YTHDC2: variants seen among roughly 807,000 people sequenced by gnomAD.
YTHDC2 encodes 3'-5' RNA helicase YTHDC2.
YTHDC2 carries 45 observed loss-of-function variants against 174.9 expected under a neutral mutation model. That is an observed-to-expected ratio of 0.26 (90% CI 0.20 to 0.33). The LOEUF (loss-of-function observed/expected upper bound fraction) is 0.33. YTHDC2 is among the 10% of genes least tolerant of loss of function. The probability of loss-of-function intolerance (pLI) is 1.00; values close to 1 mark genes in which losing one functional copy is unlikely to be tolerated. For synonymous variants in YTHDC2, 657 were observed against 574.5 expected (o/e 1.14, Z -2.05); for missense variants, 1,650 against 1,723.7 (o/e 0.96, Z 0.76).
chr5:113,576,719 C>G (rs1778074603), intron 23 of YTHDC2, among the ~76,000 whole-genome samples: 1 of 151,502 alleles, frequency 6.6e-6, no homozygotes, highest in African/African-American at 2.4e-5. Flanking sequence ...CATCTTCTGC[C>G]CATTTATTTG....
At chr5:113,547,747 C>A (rs1775986435) in intron 10 of YTHDC2, among the ~76,000 whole-genome samples, 1 of 152,056 alleles carries the variant, frequency 6.6e-6, no homozygotes, top group African/African-American at 2.4e-5. Context: ...ATAATGGATA[C>A]CATGTTTCAG....
chr5:113,577,100 G>T (rs964341437), intron 23 of YTHDC2, among the ~76,000 whole-genome samples: 1 of 151,964 alleles, frequency 6.6e-6, no homozygotes, highest in Non-Finnish European at 1.5e-5. Context: ...CCTTTAGAAA[G>T]CTTGCATGAT....
At chr5:113,575,190 A>AT (rs542266882) in intron 23 of YTHDC2, among the ~76,000 whole-genome samples, 446 of 152,278 alleles carry the variant, frequency 2.9e-3, no homozygotes, top group Non-Finnish European at 3.6e-3. Flanking sequence ...ATCTTGATTG[A>AT]TCCCCTGGCA....
At position 113,563,852 on chromosome 5, in the gene YTHDC2, T is replaced by G. The variant is rs1437734748; in HGVS notation, c.2443-7T>G. On this transcript the variant is annotated splice_polypyrimidine_tract_variant and splice_region_variant and intron_variant, in intron 19 of 29. Coordinates refer to ENST00000161863, the MANE Select transcript of YTHDC2 (RefSeq NM_022828.5). ...CATCAAAGTCTGTTCTGTCTCCTTT[T>G]ACTTAGACAATAGATGCAATGGATA... 5.6e-6 allele frequency: 9 copies of G among 1,613,968 alleles called. No homozygotes were observed. The highest frequency in any genetic ancestry group is 1.3e-5 in the African/African-American group (1 of 74,956).
Position 113,584,354 on chromosome 5 carries a change from G to A in YTHDC2, c.3700G>A (p.Asp1234Asn), listed in dbSNP as rs1419873053. ...PALHPPQKYK[D>N]RGILHPKRGT... Reference sequence around the variant, plus strand: ...ATTACACCCACCTCAGAAGTACAAAGATAGAGGAATTTTACATCCTAAACG... The same window carrying A: ...ATTACACCCACCTCAGAAGTACAAAAATAGAGGAATTTTACATCCTAAACG... Residue 1234 changes from aspartate to asparagine, a missense_variant, in exon 26 of 30, where the codon GAT becomes AAT. Transcript: ENST00000161863. 2 of 1,613,796 alleles carry A rather than the reference G, an allele frequency of 1.2e-6. No homozygotes were observed. The highest frequency in any genetic ancestry group is 1.7e-5 in the Admixed American group (1 of 60,018).
chr5:113,568,419 CAT>C (rs1777496747), intron 23 of YTHDC2, among the ~76,000 whole-genome samples: 2 of 152,040 alleles, frequency 1.3e-5, no homozygotes, highest in Admixed American at 6.6e-5. Flanking sequence ...AGTTTTGTTG[CAT>C]AGGTAAAGGT....
chr5:113,586,581 T>C (rs1778691938), intron 26 of YTHDC2, among the ~76,000 whole-genome samples: 1 of 151,766 alleles, frequency 6.6e-6, no homozygotes, highest in African/African-American at 2.4e-5. Context: ...AAATTTTGTG[T>C]ACCAAACCCA....
intron 3 of YTHDC2, 131 bp downstream of exon 3, chr5:113,525,308 T>G (rs905453229): frequency 9.4e-6 from 8 of 851,760 alleles, no homozygotes; most frequent in African/African-American, 1.8e-5. Context: ...TAGAAATGAT[T>G]AAGAGTTGTA....
Position 113,592,240 on chromosome 5 carries a change from G to A in YTHDC2, c.4212+62G>A, listed in dbSNP as rs1423499341. On this transcript the variant is annotated intron_variant, in intron 28 of 29. Transcript: ENST00000161863. Reference sequence around the variant, plus strand: ...TTCTGTTTGTTTTCTGTTATCCAGTGCTTTAATTGAGGAGAAAATGTAAGA... The same window carrying A: ...TTCTGTTTGTTTTCTGTTATCCAGTACTTTAATTGAGGAGAAAATGTAAGA... 2.1e-6 allele frequency: 3 copies of A among 1,446,034 alleles called. No individual in the cohort carries two copies. The South Asian group carries it at 4.3e-5, about 21-fold the overall frequency. The allele number at this position is 1,446,034 out of a possible 1,614,324, so 89.6% of individuals were successfully genotyped here.
intron 4 of YTHDC2, among the ~76,000 whole-genome samples, chr5:113,530,471 C>T (rs1774578615): frequency 6.6e-6 from 1 of 152,140 alleles, no homozygotes; most frequent in Admixed American, 6.5e-5. Flanking sequence ...TATACATTCA[C>T]AACTAAACCA....
chr5:113,513,929 C>A lies in YTHDC2; in HGVS notation c.34C>A (p.Pro12Thr). Residue 12 changes from proline (P) to threonine (T), a missense_variant, in exon 1 of 30, where the codon CCG (proline) becomes ACG (threonine). Transcript: ENST00000161863. The part of the protein sequence containing the change: ...SRPSSVSPRQ[P>T]APGGGGGGGP... The stretch of plus-strand genomic sequence containing the variant: ...GCCGAGCAGCGTCTCCCCGCGGCAG[C>A]CGGCTCCTGGCGGTGGCGGAGGCGG... 3.7e-6 allele frequency: 6 copies of A among 1,605,866 alleles called. No individual in the cohort carries two copies. The highest frequency in any genetic ancestry group is 1.3e-5 in the African/African-American group (1 of 74,770).
At chr5:113,555,552 C>G (rs535671972) in intron 16 of YTHDC2, among the ~76,000 whole-genome samples, 23 of 152,214 alleles carry the variant, frequency 1.5e-4, no homozygotes, top group Middle Eastern at 6.8e-3. Context: ...GTTAGTAGCT[C>G]AGCAGGAAGT....
chr5:113,568,716 A>G (rs972795323), intron 23 of YTHDC2, among the ~76,000 whole-genome samples: 8 of 152,198 alleles, frequency 5.3e-5, no homozygotes, highest in Middle Eastern at 3.4e-3. Context: ...ATTCCTTTTT[A>G]TGGCTGCATA....
intron 23 of YTHDC2, among the ~76,000 whole-genome samples, chr5:113,574,780 G>A (rs954706832): frequency 6.7e-6 from 1 of 148,962 alleles, no homozygotes; most frequent in Non-Finnish European, 1.5e-5. Context: ...GCCTTGCTAG[G>A]GATCCCAGGG....
At chr5:113,541,416 C>G (rs1168398472) in intron 9 of YTHDC2, among the ~76,000 whole-genome samples, 1 of 152,034 alleles carries the variant, frequency 6.6e-6, no homozygotes, top group African/African-American at 2.4e-5. Flanking sequence ...TGGTCTTGAT[C>G]TCCTGATCTC....
At chr5:113,558,306 C>T (rs527717191) in intron 17 of YTHDC2, among the ~76,000 whole-genome samples, 1 of 152,268 alleles carries the variant, frequency 6.6e-6, no homozygotes, top group African/African-American at 2.4e-5. Context: ...TCTTTCAGCT[C>T]TCTGAAGAAT....
intron 24 of YTHDC2, among the ~76,000 whole-genome samples, chr5:113,580,075 CAT>C (rs1227234356): frequency 2.6e-5 from 4 of 152,050 alleles, no homozygotes; most frequent in African/African-American, 9.7e-5. Context: ...ACTGTGTCCT[CAT>C]ATGGCAAAAG....
chr5:113,543,232 A>G lies in YTHDC2; in HGVS notation c.1495+729A>G, dbSNP rs547302523. Reference sequence around the variant, plus strand: ...GTCTGTTAGGTGAATAAAATTGGATACTCCTCAAACAACTTCTGATCCCCT... The same window carrying G: ...GTCTGTTAGGTGAATAAAATTGGATGCTCCTCAAACAACTTCTGATCCCCT... On this transcript the variant is annotated intron_variant, in intron 10 of 29. Coordinates refer to ENST00000161863, the MANE Select transcript of YTHDC2 (RefSeq NM_022828.5). 6.1e-4 allele frequency among the ~76,000 whole-genome samples: 93 copies of G among 152,162 alleles called. 2 individuals carry two copies. In the South Asian group the frequency reaches 0.017, roughly 28 times the overall value.
intron 9 of YTHDC2, among the ~76,000 whole-genome samples, chr5:113,541,867 G>A (rs1259591757): frequency 6.6e-6 from 1 of 151,820 alleles, no homozygotes; most frequent in Non-Finnish European, 1.5e-5. Context: ...AGACTTATTT[G>A]GGTCATGGAA....
Sources: gnomAD v4.1 joint callset for allele counts (sites outside exome capture counted in the v4.1 genomes callset) on GRCh38, gnomAD v4.1.1 for gene constraint, MANE v1.5 for transcripts, NCBI Gene and HGNC (gene_info 2026-07-23, HGNC 2026-07-21) for gene names.